The following DGKD variants were observed in gnomAD, a reference collection of about 807,000 sequenced individuals.
DGKD encodes the protein diacylglycerol kinase delta.
A neutral mutation model predicts 154.4 loss-of-function variants in DGKD; 68 were observed. The ratio of observed to expected loss-of-function variants is 0.44; its 90% CI spans 0.36 to 0.54. The LOEUF is 0.54. Among genes scored for constraint, DGKD ranks in the 20% least tolerant of loss-of-function variants. DGKD has a pLI of 0.00. For missense variants in DGKD, 1,343 were observed against 1,593.6 expected, an observed-to-expected ratio of 0.84 and a Z score of 2.68; for synonymous variants, 693 against 638.0, an observed-to-expected ratio of 1.09 and a Z score of -1.30.
chr2:233,402,755 G>T (rs2061591237), intron 3 of DGKD, among the ~76,000 whole-genome samples: 1 of 152,206 alleles, frequency 6.6e-6, no homozygotes. Context: ...GGAGTCATTT[G>T]ACAAGTAAGG....
intron 10 of DGKD, 182 bp downstream of exon 10, chr2:233,442,177 T>G (rs1204232697): frequency 1.4e-6 from 1 of 705,244 alleles, no homozygotes; most frequent in Non-Finnish European, 2.6e-6. Context: ...GGCCACCCCC[T>G]GGCATTGTGG....
chr2:233,365,683 C>T (rs999190052), intron 1 of DGKD, among the ~76,000 whole-genome samples: 13 of 152,104 alleles, frequency 8.5e-5, no homozygotes, highest in Non-Finnish European at 1.6e-4. Context: ...CAACAGCTTT[C>T]AAAAGAGTTG....
chr2:233,397,400 A>G (rs1330383900), intron 3 of DGKD, among the ~76,000 whole-genome samples: 1 of 105,074 alleles, frequency 9.5e-6, no homozygotes. Flanking sequence ...TGGCTGGCAG[A>G]GGCCAGAGTG....
At chr2:233,419,420 A>G in intron 3 of DGKD, 2 of 985,620 alleles carry the variant, frequency 2.0e-6, no homozygotes, top group South Asian at 9.4e-5. Flanking sequence ...GAAGGGCAGC[A>G]GGTAAGAGCC....
Position 233,463,606 on chromosome 2 carries a change from A to G in DGKD, c.3187-558A>G, listed in dbSNP as rs925614429. Among the ~76,000 whole-genome samples the G allele has an allele frequency of 2.7e-4, 35 of 129,638 alleles. 1 individual carries two copies. Among genetic ancestry groups the G allele is most frequent in the African/African-American group, 1.0e-3 (30 of 29,166 alleles). The allele number at this position is 129,638 out of a possible 152,430, so 85.0% of individuals were successfully genotyped here. A position where few individuals can be genotyped will look rare whatever the true frequency, so the allele number is the denominator to read the frequency against. Reference sequence around the variant, plus strand: ...ATCTCCTCACTCCACGCATCTCCTCACTCCACGCATCTCCTCACTCCACGC... The same window carrying G: ...ATCTCCTCACTCCACGCATCTCCTCGCTCCACGCATCTCCTCACTCCACGC... On this transcript the variant is annotated intron_variant, in intron 26 of 29. Coordinates refer to ENST00000264057, the MANE Select transcript of DGKD (RefSeq NM_152879.3).
intron 16 of DGKD, 89 bp downstream of exon 16, chr2:233,450,220 C>T (rs1169548232): frequency 2.1e-6 from 3 of 1,437,578 alleles, no homozygotes; most frequent in Non-Finnish European, 1.8e-6. Context: ...TTTTAGGGCA[C>T]TTTCTCATAG....
chr2:233,438,197 C>T lies in DGKD; in HGVS notation c.923-20C>T, dbSNP rs2062762461. On this transcript the variant is annotated intron_variant, in intron 8 of 29. Transcript: ENST00000264057. This position sits in a 1 kb window ranked among gnomAD's most constrained non-coding sequence, Gnocchi z 4.1. ...TCTTCCGTGGCCTATATATTTTCTT[C>T]TGTTCGTTCTTGCGTCCAGGGTTCT... 2 of 1,612,044 alleles carry T rather than the reference C, an allele frequency of 1.2e-6. No homozygotes were observed. Among genetic ancestry groups the T allele is most frequent in the African/African-American group, 1.3e-5 (1 of 74,934 alleles).
chr2:233,407,578 C>T (rs1007489207), intron 3 of DGKD, among the ~76,000 whole-genome samples: 8 of 152,112 alleles, frequency 5.3e-5, no homozygotes, highest in African/African-American at 1.9e-4. Flanking sequence ...CCAGCCTGGG[C>T]AGCATAACAA....
intron 28 of DGKD, among the ~76,000 whole-genome samples, chr2:233,468,063 G>A (rs768963245): frequency 3.3e-5 from 5 of 152,004 alleles, no homozygotes; most frequent in East Asian, 3.9e-4. Flanking sequence ...AGAGGCTGGC[G>A]GCCCACCTGG....
chr2:233,460,666 A>G (rs2063601486), intron 24 of DGKD, among the ~76,000 whole-genome samples: 1 of 152,180 alleles, frequency 6.6e-6, no homozygotes, highest in Non-Finnish European at 1.5e-5. Flanking sequence ...CAAGGTGGGC[A>G]GATCACAAGG....
intron 3 of DGKD, among the ~76,000 whole-genome samples, chr2:233,432,457 T>A (rs911835632): frequency 3.0e-4 from 45 of 151,158 alleles, no homozygotes; most frequent in African/African-American, 9.0e-4. Flanking sequence ...CAGGAGATCG[T>A]GACCATCCTG....
Position 233,460,223 on chromosome 2 carries a change from A to G in DGKD, c.2859A>G (p.Glu953=), listed in dbSNP as rs185185254. The G allele has an allele frequency of 4.3e-6, 7 of 1,613,988 alleles. No homozygotes were observed. The Admixed American group carries it at 6.7e-5, about 15-fold the overall frequency. The change falls in exon 24 of 30, where the codon GAA becomes GAG. Residue 953 remains glutamate, a synonymous_variant. Transcript: ENST00000264057. ...TTGAGAGCACCCTGAAGTCCTGGGAAGACAAGCAGAAGTGCGAGCTGCCCC... is the reference window on the plus strand; with the variant it reads ...TTGAGAGCACCCTGAAGTCCTGGGAGGACAAGCAGAAGTGCGAGCTGCCCC... ...RAFESTLKSW[E]DKQKCELPRP... is the part of the protein sequence containing the mutation.
At chr2:233,460,067 G>GC in intron 23 of DGKD, 127 bp from the exon 24 acceptor site, 22 of 1,451,854 alleles carry the variant, frequency 1.5e-5, no homozygotes, top group Admixed American at 2.7e-5. Flanking sequence ...TTCCCCTAAT[G>GC]TTAAAAAAAA....
intron 3 of DGKD, among the ~76,000 whole-genome samples, chr2:233,430,810 ATGTT>A (rs1413034763): frequency 6.6e-6 from 1 of 152,134 alleles, no homozygotes; most frequent in Admixed American, 6.5e-5. Context: ...TTTCCCCCAC[ATGTT>A]TGTCAGTACT....
chr2:233,405,622 G>A (rs1325097326), intron 3 of DGKD, among the ~76,000 whole-genome samples: 1 of 152,122 alleles, frequency 6.6e-6, no homozygotes, highest in African/African-American at 2.4e-5. Flanking sequence ...CCTAATAAAG[G>A]GATGAGTTCA....
intron 1 of DGKD, among the ~76,000 whole-genome samples, chr2:233,370,338 C>G (rs903480205): frequency 2.0e-5 from 3 of 152,142 alleles, no homozygotes; most frequent in Admixed American, 6.5e-5. Flanking sequence ...CTCAGCCCCC[C>G]CAGTAGCTGG....
At chr2:233,417,662 C>A (rs921899932) in intron 3 of DGKD, among the ~76,000 whole-genome samples, 7 of 152,102 alleles carry the variant, frequency 4.6e-5, no homozygotes, top group Admixed American at 4.6e-4. Flanking sequence ...TAATTAAGTG[C>A]AGATAACCCA....
intron 16 of DGKD, among the ~76,000 whole-genome samples, chr2:233,450,499 T>G (rs932993217): frequency 9.9e-5 from 15 of 152,122 alleles, no homozygotes; most frequent in Admixed American, 5.2e-4. Context: ...AGCGTGGGCC[T>G]TCTTTGTCCT....
rs2125404482 is a variant in DGKD at position 233,374,078 on chromosome 2, A to G, written c.157-14179A>G. On this transcript the variant is annotated intron_variant, in intron 1 of 29. Coordinates refer to ENST00000264057, the MANE Select transcript of DGKD (RefSeq NM_152879.3). ...GTTTGTTTGTTTGTTTTTGAGATGAAGTCTCGCTCTCACCCAGGCTGGAGT... is the reference window on the plus strand; with the variant it reads ...GTTTGTTTGTTTGTTTTTGAGATGAGGTCTCGCTCTCACCCAGGCTGGAGT... 1.3e-5 allele frequency among the ~76,000 whole-genome samples: 2 copies of G among 151,994 alleles called. 1 individual carries two copies. Among genetic ancestry groups the G allele is most frequent in the South Asian group, 4.1e-4 (2 of 4,824 alleles).
Sources: gnomAD v4.1 joint callset for allele counts (sites outside exome capture counted in the v4.1 genomes callset) on GRCh38, gnomAD v4.1.1 for gene constraint, Gnocchi (gnomAD v3.1) non-coding constraint, MANE v1.5 for transcripts, NCBI Gene and HGNC (gene_info 2026-07-23, HGNC 2026-07-21) for gene names.